The following SIRT5 variants were observed in gnomAD, a reference collection of about 807,000 sequenced individuals.
SIRT5 encodes the protein NAD-dependent protein deacylase sirtuin-5, mitochondrial.
Under a neutral mutation model 40.0 loss-of-function variants are expected in SIRT5, and 26 were observed. The observed-to-expected ratio is 0.65, with a 90% CI of 0.48 to 0.90. The LOEUF is 0.90. Among genes scored for constraint, SIRT5 ranks in the 40% least tolerant of loss-of-function variants. The pLI, the probability that SIRT5 is intolerant of heterozygous loss-of-function variation, is 0.00. For synonymous variants in SIRT5, 146 were observed against 149.1 expected (o/e 0.98, Z 0.15); for missense variants, 401 against 402.4 (o/e 1.00, Z 0.03).
chr6:13,597,116 T>A, intron 7 of SIRT5, 100 bp downstream of exon 7: 1 of 882,352 alleles, frequency 1.1e-6, no homozygotes, highest in Non-Finnish European at 1.8e-6. Flanking sequence ...AGACGCCTCT[T>A]AAATCAAATG....
intron 9 of SIRT5, among the ~76,000 whole-genome samples, chr6:13,608,935 C>T (rs1763479168): frequency 6.6e-6 from 1 of 151,966 alleles, no homozygotes; most frequent in South Asian, 2.1e-4. Flanking sequence ...GATTCTTCTG[C>T]CTCAGCCTCC....
chr6:13,605,259 A>T (rs200400022), intron 9 of SIRT5: 1 of 861,798 alleles, frequency 1.2e-6, no homozygotes, highest in Admixed American at 6.2e-5. Flanking sequence ...CTGTGGCCAT[A>T]TGTTTGTATA....
At chr6:13,577,717 A>C (rs1758805599) in intron 1 of SIRT5, among the ~76,000 whole-genome samples, 1 of 148,480 alleles carries the variant, frequency 6.7e-6, no homozygotes, top group Non-Finnish European at 1.5e-5. Flanking sequence ...TTATATATCT[A>C]TATTTTATAT....
chr6:13,575,329 G>T (rs1758468134), intron 1 of SIRT5, among the ~76,000 whole-genome samples: 1 of 152,102 alleles, frequency 6.6e-6, no homozygotes, highest in Admixed American at 6.5e-5. Context: ...CAGAGGCCGG[G>T]TATCAACAAA....
chr6:13,580,184 T>TG (rs1190162123), intron 2 of SIRT5, among the ~76,000 whole-genome samples: 1 of 152,222 alleles, frequency 6.6e-6, no homozygotes, highest in East Asian at 1.9e-4. Flanking sequence ...GAGGTTGTTC[T>TG]GGAGACACTA....
intron 4 of SIRT5, among the ~76,000 whole-genome samples, chr6:13,590,132 A>T (rs1158544562): frequency 6.6e-6 from 1 of 152,134 alleles, no homozygotes; most frequent in Non-Finnish European, 1.5e-5. Flanking sequence ...AATTAATGTT[A>T]TTGAGGCAGA....
intron 9 of SIRT5, among the ~76,000 whole-genome samples, chr6:13,602,887 C>T (rs955634364): frequency 6.6e-5 from 10 of 152,250 alleles, no homozygotes; most frequent in African/African-American, 2.4e-4. Context: ...TTAGATATGA[C>T]ACCAAAAGAG....
intron 3 of SIRT5, 133 bp downstream of exon 3, chr6:13,584,358 C>CTTT: frequency 1.4e-5 from 7 of 508,572 alleles, no homozygotes; most frequent in Admixed American, 3.3e-5. Context: ...GTCATCTTCT[C>CTTT]TTTTTTTTTT....
rs771975911 is a variant in SIRT5 at position 13,587,063 on chromosome 6, C to T, written c.116-1268C>T. Among the ~76,000 whole-genome samples, 88 of 151,636 alleles carry T rather than the reference C, an allele frequency of 5.8e-4. 1 individual carries two copies. Among genetic ancestry groups the T allele is most frequent in the Non-Finnish European group, 1.5e-4 (10 of 68,016 alleles). On this transcript the variant is annotated intron_variant, in intron 3 of 9. Coordinates refer to ENST00000606117, the MANE Select transcript of SIRT5 (RefSeq NM_012241.5). ...TCCTCAAGAGAGGAAGGCCAGGGAGCCTGCTTAGTCAGCTGAGGAATTCAG... is the reference window on the plus strand; with the variant it reads ...TCCTCAAGAGAGGAAGGCCAGGGAGTCTGCTTAGTCAGCTGAGGAATTCAG...
At chr6:13,575,737 T>G (rs1300364686) in intron 1 of SIRT5, among the ~76,000 whole-genome samples, 1 of 152,198 alleles carries the variant, frequency 6.6e-6, no homozygotes, top group Non-Finnish European at 1.5e-5. Flanking sequence ...TGCTGTGCAG[T>G]AGATCACTAA....
rs549000321 is a variant in SIRT5 at position 13,607,367 on chromosome 6, A to G, written c.858-4423A>G. ...AGAACTTAGGAAAAGAAACATGTGAAGCAGTCTTCCCCCATCTTTTACACC... is the reference window on the plus strand; with the variant it reads ...AGAACTTAGGAAAAGAAACATGTGAGGCAGTCTTCCCCCATCTTTTACACC... On this transcript the variant is annotated intron_variant, in intron 9 of 9. Transcript: ENST00000606117. This position sits in a 1 kb window ranked among gnomAD's most constrained non-coding sequence, Gnocchi z 4.0. Among the ~76,000 whole-genome samples the G allele has an allele frequency of 1.3e-3, 201 of 152,176 alleles. 1 individual carries two copies. The highest frequency in any genetic ancestry group is 4.6e-3 in the African/African-American group (190 of 41,534).
chr6:13,604,468 C>G, intron 9 of SIRT5: 1 of 1,521,920 alleles, frequency 6.6e-7, no homozygotes, highest in Non-Finnish European at 9.1e-7. Flanking sequence ...AATGTGGTTT[C>G]TTTTCAGTCA....
chr6:13,611,937 GGGT>G lies in SIRT5; in HGVS notation c.*77_*79del. The G allele has an allele frequency of 6.9e-7, 1 of 1,448,832 alleles. No homozygotes were observed. Among genetic ancestry groups the G allele is most frequent in the Non-Finnish European group, 9.7e-7 (1 of 1,033,190 alleles). 89.7% of individuals were successfully genotyped at this position (1,448,832 alleles called of 1,614,324 possible). ...ACACGCAGAGGAGAAATGGTCTTAT[GGGT>G]GGTGAGCTGAGTACTGAACAATCTA... On this transcript the variant is annotated 3_prime_UTR_variant, in exon 10 of 10. Transcript: ENST00000606117.
At chr6:13,577,644 CTA>C (rs1758795577) in intron 1 of SIRT5, among the ~76,000 whole-genome samples, 1 of 148,186 alleles carries the variant, frequency 6.7e-6, no homozygotes, top group Admixed American at 6.7e-5. Flanking sequence ...ATATGTCTCT[CTA>C]TATTATATAT....
At chr6:13,593,503 A>T (rs1454001874) in intron 5 of SIRT5, among the ~76,000 whole-genome samples, 1 of 152,190 alleles carries the variant, frequency 6.6e-6, no homozygotes, top group Non-Finnish European at 1.5e-5. Flanking sequence ...CATAAAACCG[A>T]GATGACAATG....
At chr6:13,581,633 A>G (rs1230073979) in intron 2 of SIRT5, among the ~76,000 whole-genome samples, 2 of 152,212 alleles carry the variant, frequency 1.3e-5, no homozygotes, top group Admixed American at 6.5e-5. Flanking sequence ...TCTTCATGGT[A>G]TGGATAAACC....
chr6:13,607,561 T>C lies in SIRT5; in HGVS notation c.858-4229T>C, dbSNP rs1358021767. Among the ~76,000 whole-genome samples the C allele has an allele frequency of 6.6e-6, 1 of 152,214 alleles. No homozygotes were observed. The highest frequency in any genetic ancestry group is 1.5e-5 in the Non-Finnish European group (1 of 68,018). On this transcript the variant is annotated intron_variant, in intron 9 of 9. Coordinates refer to ENST00000606117, the MANE Select transcript of SIRT5 (RefSeq NM_012241.5). The surrounding 1 kb of genome is among the most constrained non-coding windows in gnomAD (Gnocchi z 4.0). ...AACCAATGCAAGTGGCGTGAGCAGATGTGCAGCTAACACTGTAGTCGTGGT... is the reference window on the plus strand; with the variant it reads ...AACCAATGCAAGTGGCGTGAGCAGACGTGCAGCTAACACTGTAGTCGTGGT...
At position 13,607,459 on chromosome 6, in the gene SIRT5, T is replaced by C. The variant is rs1013663142; in HGVS notation, c.858-4331T>C. On this transcript the variant is annotated intron_variant, in intron 9 of 9. Coordinates refer to ENST00000606117, the MANE Select transcript of SIRT5 (RefSeq NM_012241.5). This position sits in a 1 kb window ranked among gnomAD's most constrained non-coding sequence, Gnocchi z 4.0. ...TCTTTCCCAAGCATTCAACTAGTTT[T>C]CCTAGAAATAACTCTCTTAACAGCT... is the stretch of plus-strand genomic sequence containing the variant. 2.6e-5 allele frequency among the ~76,000 whole-genome samples: 4 copies of C among 152,228 alleles called. No homozygotes were observed. Among genetic ancestry groups the C allele is most frequent in the African/African-American group, 7.2e-5 (3 of 41,468 alleles).
chr6:13,604,572 A>C (rs570033999), intron 9 of SIRT5: 16 of 1,580,808 alleles, frequency 1.0e-5, no homozygotes, highest in Non-Finnish European at 1.3e-5. Context: ...AAAAGAAGAA[A>C]ATAAAACTGG....
Sources: allele counts gnomAD v4.1 joint callset (sites outside exome capture counted in the v4.1 genomes callset), GRCh38; gene constraint gnomAD v4.1.1; non-coding constraint Gnocchi (gnomAD v3.1); transcripts MANE v1.5; gene names NCBI Gene and HGNC (gene_info 2026-07-23, HGNC 2026-07-21).